The following SLFN13 variants were observed in gnomAD, a reference collection of about 807,000 sequenced individuals.
The protein encoded by SLFN13 is schlafen family member 13.
SLFN13 carries 43 observed loss-of-function variants against 50.6 expected under a neutral mutation model. That is an observed-to-expected ratio of 0.85 (90% CI 0.67 to 1.09). The LOEUF (loss-of-function observed/expected upper bound fraction) is 1.09. SLFN13 is among the 50% of genes least tolerant of loss of function. The pLI is 0.00. For missense variants in SLFN13, 881 were observed against 1,071.1 expected (o/e 0.82, Z 2.48); for synonymous variants, 339 against 386.5 (o/e 0.88, Z 1.44).
In SLFN13 at chr17:35,436,669, T is replaced by G. The variant is rs1037575872; in HGVS notation, c.*3926A>C. ...CGTAACAGCCCTTCTATGGAATTCA[T>G]GCCAAAAATGCATAACCTGAATCTA... On this transcript the variant is annotated 3_prime_UTR_variant, in exon 6 of 6. Coordinates refer to ENST00000285013, the MANE Select transcript of SLFN13 (RefSeq NM_144682.6). 1 of 152,150 alleles carries G rather than the reference T, an allele frequency of 6.6e-6. No individual in the cohort carries two copies. The highest frequency in any genetic ancestry group is 1.5e-5 in the Non-Finnish European group (1 of 68,038). 9.4% of individuals were successfully genotyped at this position (152,150 alleles called of 1,614,324 possible). A position where few individuals can be genotyped will look rare whatever the true frequency, so the allele number is the denominator to read the frequency against.
chr17:35,445,462 T>C lies in SLFN13; in HGVS notation c.219A>G (p.Thr73=). Residue 73 remains threonine, a synonymous_variant, in exon 3 of 6, where the codon ACA becomes ACG. Coordinates refer to ENST00000285013, the MANE Select transcript of SLFN13 (RefSeq NM_144682.6). The stretch of plus-strand genomic sequence containing the variant: ...ATTCTTCTAAATCCAGTCCCATCTC[T>C]GTGGGACGCTCATCCCTGTTGGCCA... ...MEMANRDERP[T]EMGLDLEESL... is the part of the protein sequence containing the mutation. The C allele has an allele frequency of 6.2e-7, 1 of 1,614,208 alleles. No homozygotes were observed. The highest frequency in any genetic ancestry group is 8.5e-7 in the Non-Finnish European group (1 of 1,180,028).
chr17:35,442,307 A>C (rs746549054), intron 4 of SLFN13, 21 bp from the exon 5 acceptor site: 1 of 1,537,366 alleles, frequency 6.5e-7, no homozygotes, highest in Non-Finnish European at 8.7e-7. Flanking sequence ...AGAAAATAGA[A>C]AGATGTTTTC....
At chr17:35,442,567 C>T (rs1277663994) in intron 4 of SLFN13, among the ~76,000 whole-genome samples, 1 of 152,202 alleles carries the variant, frequency 6.6e-6, no homozygotes, top group Non-Finnish European at 1.5e-5. Flanking sequence ...CCTCAGCCTC[C>T]CAAGTAGCTG....
rs1257043227 is a variant in SLFN13, at chr17:35,437,380, G to GC, written c.*3214_*3215insG. 3 of 151,840 alleles carry GC rather than the reference G, an allele frequency of 2.0e-5. No homozygotes were observed. Among genetic ancestry groups the GC allele is most frequent in the Non-Finnish European group, 2.9e-5 (2 of 67,926 alleles). The allele number at this position is 151,840 out of a possible 1,614,324, so 9.4% of individuals were successfully genotyped here. ...ATAATTTTTTGTTGTCTTCTCGAGG[G>GC]GGGGGTCATGCTATGCTGCCCAGGC... On this transcript the variant is annotated 3_prime_UTR_variant, in exon 6 of 6. Coordinates refer to ENST00000285013, the MANE Select transcript of SLFN13 (RefSeq NM_144682.6).
At position 35,435,824 on chromosome 17, in the gene SLFN13, C is replaced by G. The variant is rs187811602; in HGVS notation, c.*4771G>C. On this transcript the variant is annotated 3_prime_UTR_variant, in exon 6 of 6. Transcript: ENST00000285013. ...GCACCCAGGCTAGAGTGCGGTGATG[C>G]AGTCACAGCTCAGTGCAGACTCAAA... The G allele has an allele frequency of 6.6e-6, 1 of 152,060 alleles. No individual in the cohort carries two copies. The highest frequency in any genetic ancestry group is 1.5e-5 in the Non-Finnish European group (1 of 68,004). 9.4% of individuals were successfully genotyped at this position (152,060 alleles called of 1,614,324 possible).
Position 35,443,782 on chromosome 17 carries a change from T to C in SLFN13, c.1198+7A>G. On this transcript the variant is annotated splice_region_variant and intron_variant, in intron 4 of 5. Transcript: ENST00000285013. ...TCTCTCCTGATGTAAAAACTGGCAG[T>C]CAGTACCTGGAAATAAATGTTGTTG... The C allele has an allele frequency of 1.9e-6, 3 of 1,605,148 alleles. No individual in the cohort carries two copies. The African/African-American group carries it at 4.0e-5, about 21-fold the overall frequency.
At chr17:35,445,895 C>T in intron 2 of SLFN13, 1 of 498,918 alleles carries the variant, frequency 2.0e-6, no homozygotes. Context: ...TCATCTGTGA[C>T]ATGGGCTCTA....
At chr17:35,449,076 A>AAC (rs58902173), upstream of SLFN13, among the ~76,000 whole-genome samples, 128 of 115,682 alleles carry the variant, frequency 1.1e-3, no homozygotes, top group Middle Eastern at 4.7e-3. Flanking sequence ...ACAACAACAA[A>AAC]ATTACTCAGG....
At chr17:35,442,888 C>T (rs1912999278) in intron 4 of SLFN13, among the ~76,000 whole-genome samples, 1 of 152,196 alleles carries the variant, frequency 6.6e-6, no homozygotes, top group Non-Finnish European at 1.5e-5. Flanking sequence ...TTCAATTACT[C>T]TTGCACCTTG....
At chr17:35,442,419 T>G (rs886174657) in intron 4 of SLFN13, 133 bp from the exon 5 acceptor site, 6 of 1,090,188 alleles carry the variant, frequency 5.5e-6, no homozygotes, top group Non-Finnish European at 7.6e-6. Context: ...TTCTGGTGCA[T>G]CTCTGGTTTT....
In SLFN13 at chr17:35,439,747, G is replaced by A. The variant is rs1280737206; in HGVS notation, c.*848C>T. 6.6e-6 allele frequency: 1 copy of A among 152,136 alleles called. No homozygotes were observed. The highest frequency in any genetic ancestry group is 2.4e-5 in the African/African-American group (1 of 41,446). The allele number at this position is 152,136 out of a possible 1,614,324, so 9.4% of individuals were successfully genotyped here. On this transcript the variant is annotated 3_prime_UTR_variant, in exon 6 of 6. Coordinates refer to ENST00000285013, the MANE Select transcript of SLFN13 (RefSeq NM_144682.6). ...CTGCCTCAGCCTCCCAAACAGCTGG[G>A]ATTACAGGTGTGAGCCACCGTGCCT...
At position 35,441,139 on chromosome 17, in the gene SLFN13, G is replaced by A. The variant is rs778061533; in HGVS notation, c.2150C>T (p.Pro717Leu). 1.8e-5 allele frequency: 29 copies of A among 1,613,946 alleles called. No homozygotes were observed. In the East Asian group the frequency reaches 5.8e-4, roughly 32 times the overall value. Residue 717 changes from proline to leucine, a missense_variant, in exon 6 of 6, where the codon CCT becomes CTT. Coordinates refer to ENST00000285013, the MANE Select transcript of SLFN13 (RefSeq NM_144682.6). Reference sequence around the variant, plus strand: ...TTCTCTTGGATACTGTGCTGAGAGAGGGGGAAGGCCACTGTGACCCAAGTG... The same window carrying A: ...TTCTCTTGGATACTGTGCTGAGAGAAGGGGAAGGCCACTGTGACCCAAGTG... ...TSHLGHSGLP[P>L]LSAQYPREEL...
Position 35,437,847 on chromosome 17 carries a change from A to G in SLFN13, c.*2748T>C, listed in dbSNP as rs1454690469. The G allele has an allele frequency of 1.3e-5, 2 of 152,298 alleles. No homozygotes were observed. Among genetic ancestry groups the G allele is most frequent in the Middle Eastern group, 3.4e-3 (1 of 294 alleles). 9.4% of individuals were successfully genotyped at this position (152,298 alleles called of 1,614,324 possible). On this transcript the variant is annotated 3_prime_UTR_variant, in exon 6 of 6. Transcript: ENST00000285013. ...AAAGGCTAATTTAAATTTTCAAAAC[A>G]TTTTGTTTCATTTTACAATGGCTGG... is the stretch of plus-strand genomic sequence containing the variant.
rs1260760552 is a variant in SLFN13 at position 35,444,831 on chromosome 17, G to A, written c.850C>T (p.His284Tyr). Reference protein sequence around the residue: ...ARAISKLPIVHFCSSKPRVEY... With the variant: ...ARAISKLPIVYFCSSKPRVEY... ...ACCCGAGGTTTTGAAGAGCAAAAAT[G>A]AACAATGGGCAACTTAGAAATTGCT... is the stretch of plus-strand genomic sequence containing the variant. The change falls in exon 3 of 6, where the codon CAT becomes TAT. Residue 284 changes from histidine (H) to tyrosine (Y), a missense_variant. By Grantham distance (83) the His-to-Tyr change is moderately conservative. Around this residue, in one of 5 missense-constraint regions of SLFN13, gnomAD observed 497 missense variants for 518.3 expected, o/e 0.96. Transcript: ENST00000285013. 1 of 1,614,200 alleles carries A rather than the reference G, an allele frequency of 6.2e-7. No individual in the cohort carries two copies. Among genetic ancestry groups the A allele is most frequent in the Non-Finnish European group, 8.5e-7 (1 of 1,180,022 alleles).
chr17:35,440,857 A>C lies in SLFN13; in HGVS notation c.2432T>G (p.Val811Gly). Reference sequence around the variant, plus strand: ...CACTTCTGTCACGGTGCTGACAAGCACAGCAACATCCTTTGGAGAATAGCC... The same window carrying C: ...CACTTCTGTCACGGTGCTGACAAGCCCAGCAACATCCTTTGGAGAATAGCC... ...ERGYSPKDVA[V>G]LVSTVTEVEQ... The change falls in exon 6 of 6, where the codon GTG (valine) becomes GGG (glycine). Residue 811 changes from valine (V) to glycine (G), a missense_variant. Transcript: ENST00000285013. The C allele has an allele frequency of 6.2e-7, 1 of 1,614,174 alleles. No individual in the cohort carries two copies. The highest frequency in any genetic ancestry group is 8.5e-7 in the Non-Finnish European group (1 of 1,180,018).
In SLFN13 at chr17:35,442,216, T is replaced by C; in HGVS notation, c.1269A>G (p.Leu423=). 6.2e-7 allele frequency: 1 copy of C among 1,613,792 alleles called. No homozygotes were observed. The change falls in exon 5 of 6, where the codon CTA becomes CTG. Residue 423 remains leucine (L), a synonymous_variant. Transcript: ENST00000285013. ...GCATTTGCTTGTGTATTAACTCCTTTAGTCCTTCATGCTGTAAAGACAGCT... is the reference window on the plus strand; with the variant it reads ...GCATTTGCTTGTGTATTAACTCCTTCAGTCCTTCATGCTGTAAAGACAGCT... ...WKELSLQHEG[L]KELIHKQMRP... is the part of the protein sequence containing the mutation.
rs754012812 is a variant in SLFN13, at chr17:35,445,260, AG to A, written c.420del (p.Ser141LeufsTer5). The A allele has an allele frequency of 6.2e-7, 1 of 1,614,072 alleles. No homozygotes were observed. On this transcript the variant is annotated frameshift_variant, in exon 3 of 6. Transcript: ENST00000285013. LOFTEE classifies it high-confidence loss of function. ...TGTCTTGAATTCATGTGAAGCACAG[AG>A]GTGCCAGATCTACAGTATAATGAAG... ...LSSSLYCRSG[T>X]SVLHMNSRQA...
Position 35,437,508 on chromosome 17 carries a change from G to A in SLFN13, c.*3087C>T, listed in dbSNP as rs574194774. ...TTTACTAAGTTTTGTTAAAAGTAGG[G>A]CCAGGTGTTGACTGTTAATTCGTGA... On this transcript the variant is annotated 3_prime_UTR_variant, in exon 6 of 6. Transcript: ENST00000285013. 233 of 152,210 alleles carry A rather than the reference G, an allele frequency of 1.5e-3. 2 individuals carry two copies. Among genetic ancestry groups the A allele is most frequent in the African/African-American group, 5.5e-3 (227 of 41,544 alleles). The allele number at this position is 152,210 out of a possible 1,614,324, so 9.4% of individuals were successfully genotyped here.
intron 2 of SLFN13, chr17:35,446,003 A>G (rs7218011): frequency 0.28 from 62,455 of 225,856 alleles, 11,465 homozygotes; most frequent in East Asian, 0.67. Flanking sequence ...AAGACTTAAA[A>G]GATGCACTAG....
Sources: gnomAD v4.1 joint callset for allele counts (sites outside exome capture counted in the v4.1 genomes callset) on GRCh38, gnomAD v4.1.1 for gene constraint, gnomAD v4.1.1 regional missense constraint, MANE v1.5 for transcripts, NCBI Gene and HGNC (gene_info 2026-07-23, HGNC 2026-07-21) for gene names.